PTCHD4: variants seen among roughly 807,000 people sequenced by gnomAD.
The protein encoded by PTCHD4 is patched domain containing 4.
Under a neutral mutation model 58.1 loss-of-function variants are expected in PTCHD4, and 33 were observed. That is an observed-to-expected ratio of 0.57 (90% CI 0.43 to 0.76). PTCHD4 has a LOEUF of 0.76. PTCHD4 is among the 30% of genes least tolerant of loss of function. PTCHD4 has a pLI of 0.00. For missense variants in PTCHD4, 1,058 were observed against 1,027.1 expected (o/e 1.03, Z -0.41); for synonymous variants, 478 against 409.6 (o/e 1.17, Z -2.02).
At chr6:48,001,441 C>G (rs1420920108) in intron 4 of PTCHD4, among the ~76,000 whole-genome samples, 2 of 152,144 alleles carry the variant, frequency 1.3e-5, no homozygotes, top group African/African-American at 4.8e-5. Context: ...ACAGATCCCT[C>G]AGAAATAATG....
At chr6:48,077,436 T>G (rs551831088) in intron 1 of PTCHD4, among the ~76,000 whole-genome samples, 125 of 152,352 alleles carry the variant, frequency 8.2e-4, no homozygotes, top group African/African-American at 2.9e-3. Context: ...GATCTTTGGA[T>G]AACTTACTAC....
rs112572408 is a variant in PTCHD4 at position 47,925,298 on chromosome 6, T to A, written c.899-45362A>T. On this transcript the variant is annotated intron_variant, in intron 4 of 4. Coordinates refer to ENST00000339488, the MANE Select transcript of PTCHD4 (RefSeq NM_001384253.1). ...AGTTTGTTTTTGGTTTATTGCTATA[T>A]CTCTAGTACTCAGAAAAATGTCTGG... is the stretch of plus-strand genomic sequence containing the variant. Among the ~76,000 whole-genome samples, 639 of 152,140 alleles carry A rather than the reference T, an allele frequency of 4.2e-3. 4 individuals are homozygous for A. The highest frequency in any genetic ancestry group is 0.014 in the African/African-American group (584 of 41,524).
intron 4 of PTCHD4, among the ~76,000 whole-genome samples, chr6:47,896,990 G>A (rs1470858343): frequency 1.3e-5 from 2 of 152,088 alleles, no homozygotes; most frequent in Admixed American, 6.6e-5. Flanking sequence ...CTTTTCCTAT[G>A]TCAGTACCTG....
At chr6:48,092,069 C>G (rs1203892256) in intron 1 of PTCHD4, among the ~76,000 whole-genome samples, 2 of 152,084 alleles carry the variant, frequency 1.3e-5, no homozygotes, top group Non-Finnish European at 2.9e-5. Flanking sequence ...ACAACTTACT[C>G]TAATATATTT....
intron 4 of PTCHD4, among the ~76,000 whole-genome samples, chr6:47,893,002 C>T (rs1764425806): frequency 6.6e-6 from 1 of 152,210 alleles, no homozygotes; most frequent in Non-Finnish European, 1.5e-5. Flanking sequence ...GGTTGATTAA[C>T]TTTATTAGAG....
rs1234353775 is a variant in PTCHD4, at chr6:47,875,315, AG to A, written c.*2987del. 2.0e-5 allele frequency among the ~76,000 whole-genome samples: 3 copies of A among 151,818 alleles called. No homozygotes were observed. The highest frequency in any genetic ancestry group is 6.6e-5 in the Admixed American group (1 of 15,188). ...AGAGGTGCATACAAGCTACCAAAAAAGGTTGGGATTGGGGGTGACCTGCAAG... is the reference window on the plus strand; with the variant it reads ...AGAGGTGCATACAAGCTACCAAAAAAGTTGGGATTGGGGGTGACCTGCAAG... On this transcript the variant is annotated 3_prime_UTR_variant, in exon 5 of 5. Transcript: ENST00000339488.
intron 3 of PTCHD4, among the ~76,000 whole-genome samples, chr6:48,053,686 C>T (rs1764310809): frequency 6.6e-6 from 1 of 152,064 alleles, no homozygotes; most frequent in Non-Finnish European, 1.5e-5. Flanking sequence ...TAAAGTGTCT[C>T]CGGACATATT....
chr6:48,035,068 T>C (rs879455974), intron 3 of PTCHD4, among the ~76,000 whole-genome samples: 2 of 152,134 alleles, frequency 1.3e-5, no homozygotes, highest in Non-Finnish European at 2.9e-5. Flanking sequence ...AAATGCAAAA[T>C]GCTTTTTCTT....
chr6:48,057,299 CA>C, intron 3 of PTCHD4, among the ~76,000 whole-genome samples: 4 of 151,998 alleles, frequency 2.6e-5, no homozygotes, highest in Admixed American at 2.6e-4. Context: ...AGAGCTTGGA[CA>C]AATCATAGGA....
At position 47,858,347 on chromosome 6, in the gene PTCHD4, C is replaced by T. The variant is rs1207504326; in HGVS notation, c.*19956G>A. Among the ~76,000 whole-genome samples the T allele has an allele frequency of 6.6e-6, 1 of 151,882 alleles. No individual in the cohort carries two copies. The highest frequency in any genetic ancestry group is 2.4e-5 in the African/African-American group (1 of 41,392). ...AGAACAAAGTAATGTGTATGAAAGA[C>T]AATTAGATATATTCAGCTTACCTTA... On this transcript the variant is annotated 3_prime_UTR_variant, in exon 5 of 5. Coordinates refer to ENST00000339488, the MANE Select transcript of PTCHD4 (RefSeq NM_001384253.1).
rs1764773774 is a variant in PTCHD4, at chr6:48,065,797, G to C, written c.417+2433C>G. ...CTCCCACTGATGCCAGGCAGAGAGA[G>C]TTAAGACAACACATTTGAGGAAACA... On this transcript the variant is annotated intron_variant, in intron 3 of 4. Coordinates refer to ENST00000339488, the MANE Select transcript of PTCHD4 (RefSeq NM_001384253.1). Among the ~76,000 whole-genome samples the C allele has an allele frequency of 2.0e-5, 3 of 152,212 alleles. No homozygotes were observed. In the South Asian group the frequency reaches 6.2e-4, roughly 31 times the overall value.
chr6:48,054,639 G>A (rs1430322995), intron 3 of PTCHD4, among the ~76,000 whole-genome samples: 1 of 152,100 alleles, frequency 6.6e-6, no homozygotes, highest in Non-Finnish European at 1.5e-5. Context: ...AAATGGTTAA[G>A]TAAATTACAT....
At chr6:47,918,790 T>C (rs1765338992) in intron 4 of PTCHD4, among the ~76,000 whole-genome samples, 1 of 152,174 alleles carries the variant, frequency 6.6e-6, no homozygotes, top group Non-Finnish European at 1.5e-5. Context: ...TTAAAATGGT[T>C]ACATAGATTA....
At chr6:48,033,286 A>C (rs993861786) in intron 3 of PTCHD4, among the ~76,000 whole-genome samples, 7 of 152,070 alleles carry the variant, frequency 4.6e-5, no homozygotes, top group Admixed American at 3.3e-4. Flanking sequence ...AGAGATTGCA[A>C]GAAGCTGAGA....
intron 3 of PTCHD4, among the ~76,000 whole-genome samples, chr6:48,048,831 T>C (rs1264917204): frequency 6.6e-6 from 1 of 152,022 alleles, no homozygotes. Flanking sequence ...TAGAGAGTTT[T>C]TCCTCAGTGG....
chr6:47,883,936 TA>T (rs1430728777), intron 4 of PTCHD4, among the ~76,000 whole-genome samples: 1 of 152,194 alleles, frequency 6.6e-6, no homozygotes, highest in African/African-American at 2.4e-5. Context: ...TTTCTGATTA[TA>T]AAATCAGGAT....
At position 47,865,895 on chromosome 6, in the gene PTCHD4, A is replaced by T. The variant is rs998512391; in HGVS notation, c.*12408T>A. On this transcript the variant is annotated 3_prime_UTR_variant, in exon 5 of 5. Coordinates refer to ENST00000339488, the MANE Select transcript of PTCHD4 (RefSeq NM_001384253.1). ...AAACTTTCTGGTTTGTACAAATTCA[A>T]CTCCTGTACTGGAAATGTACCCTCA... Among the ~76,000 whole-genome samples, 6 of 151,722 alleles carry T rather than the reference A, an allele frequency of 4.0e-5. No homozygotes were observed. Among genetic ancestry groups the T allele is most frequent in the Non-Finnish European group, 8.8e-5 (6 of 67,850 alleles).
chr6:47,998,476 C>T (rs1212434663), intron 4 of PTCHD4, among the ~76,000 whole-genome samples: 1 of 152,188 alleles, frequency 6.6e-6, no homozygotes, highest in African/African-American at 2.4e-5. Context: ...GGTCCATATG[C>T]ATCTCACCCT....
intron 4 of PTCHD4, among the ~76,000 whole-genome samples, chr6:47,904,558 A>G (rs1414891077): frequency 6.6e-6 from 1 of 152,222 alleles, no homozygotes; most frequent in Non-Finnish European, 1.5e-5. Flanking sequence ...TCTCCTGGAA[A>G]GAGGATTATA....
Sources: allele counts gnomAD v4.1 joint callset (sites outside exome capture counted in the v4.1 genomes callset), GRCh38; gene constraint gnomAD v4.1.1; transcripts MANE v1.5; gene names NCBI Gene and HGNC (gene_info 2026-07-23, HGNC 2026-07-21).